The following SLC39A9 variants were observed in gnomAD, a reference collection of about 807,000 sequenced individuals.
SLC39A9 encodes solute carrier family 39 member 9.
In SLC39A9, 14 loss-of-function variants were observed where a neutral mutation model predicts 28.4. The ratio of observed to expected loss-of-function variants is 0.49; its 90% CI spans 0.33 to 0.77. The LOEUF is 0.77. Among genes scored for constraint, SLC39A9 ranks in the 30% least tolerant of loss-of-function variants. SLC39A9 has a pLI of 0.02. For missense variants in SLC39A9, 283 were observed against 381.1 expected (o/e 0.74, Z 2.14); for synonymous variants, 119 against 149.6 (o/e 0.80, Z 1.49).
intron 2 of SLC39A9, among the ~76,000 whole-genome samples, chr14:69,434,549 G>A (rs970473167): frequency 6.6e-6 from 1 of 151,912 alleles, no homozygotes; most frequent in Non-Finnish European, 1.5e-5. Flanking sequence ...TTAGGTGGGC[G>A]CAGTGACTAC....
intron 1 of SLC39A9, among the ~76,000 whole-genome samples, chr14:69,411,843 C>T (rs955304408): frequency 2.7e-5 from 4 of 147,436 alleles, no homozygotes; most frequent in East Asian, 2.0e-4. Flanking sequence ...AGTGCAGTGG[C>T]GGGATCTCGG....
At chr14:69,419,587 T>C (rs1384126660) in intron 1 of SLC39A9, among the ~76,000 whole-genome samples, 1 of 152,184 alleles carries the variant, frequency 6.6e-6, no homozygotes, top group East Asian at 1.9e-4. Context: ...ATCTGTCTAA[T>C]ATTGACAGTG....
intron 1 of SLC39A9, among the ~76,000 whole-genome samples, chr14:69,421,684 G>A (rs2140271492): frequency 6.6e-6 from 1 of 152,308 alleles, no homozygotes; most frequent in South Asian, 2.1e-4. Context: ...CGGCCATTTT[G>A]TTTACCTACT....
intron 2 of SLC39A9, among the ~76,000 whole-genome samples, chr14:69,437,597 T>TG (rs1412310829): frequency 1.3e-5 from 2 of 151,758 alleles, no homozygotes; most frequent in Admixed American, 6.6e-5. Flanking sequence ...TTTGTTTGTT[T>TG]TTTTTTTTTT....
intron 2 of SLC39A9, among the ~76,000 whole-genome samples, chr14:69,424,999 T>C (rs963766453): frequency 1.4e-4 from 21 of 152,208 alleles, no homozygotes; most frequent in African/African-American, 5.1e-4. Context: ...GTGTCCTTTA[T>C]CCAGAATGGT....
intron 2 of SLC39A9, chr14:69,441,736 T>G: frequency 1.0e-6 from 1 of 955,440 alleles, no homozygotes. Flanking sequence ...TCTGGTGAGA[T>G]TGGCATGAAT....
chr14:69,406,849 T>G (rs1488188255), intron 1 of SLC39A9, among the ~76,000 whole-genome samples: 1 of 32,854 alleles, frequency 3.0e-5, no homozygotes, highest in Non-Finnish European at 5.6e-5. Context: ...AAATTCTTTG[T>G]TTTTTTTTTT....
At chr14:69,418,446 C>A (rs747557962) in intron 1 of SLC39A9, among the ~76,000 whole-genome samples, 7 of 151,654 alleles carry the variant, frequency 4.6e-5, no homozygotes, top group South Asian at 2.1e-4. Context: ...TTGTTGTTGT[C>A]GTGTCTCTGC....
At chr14:69,418,498 T>C (rs1479784099) in intron 1 of SLC39A9, among the ~76,000 whole-genome samples, 1 of 152,146 alleles carries the variant, frequency 6.6e-6, no homozygotes, top group Non-Finnish European at 1.5e-5. Flanking sequence ...ATAAAATGAA[T>C]TAGAGAGAAT....
chr14:69,453,233 C>T lies in SLC39A9; in HGVS notation c.404-8C>T, dbSNP rs1056479167. The T allele has an allele frequency of 1.9e-6, 3 of 1,612,486 alleles. No homozygotes were observed. The African/African-American group carries it at 4.0e-5, about 22-fold the overall frequency. On this transcript the variant is annotated splice_region_variant and splice_polypyrimidine_tract_variant and intron_variant, in intron 3 of 6. Transcript: ENST00000336643. Reference sequence around the variant, plus strand: ...AGCTTAACGCTGTCTTTCTCATTTTCACTTTAGATCCAGAAGCAGCAAGGT... The same window carrying T: ...AGCTTAACGCTGTCTTTCTCATTTTTACTTTAGATCCAGAAGCAGCAAGGT...
At chr14:69,439,143 G>T (rs1269366204) in intron 2 of SLC39A9, among the ~76,000 whole-genome samples, 1 of 152,044 alleles carries the variant, frequency 6.6e-6, no homozygotes, top group Non-Finnish European at 1.5e-5. Context: ...CACTAACAAT[G>T]AACTATTTGA....
Position 69,461,558 on chromosome 14 carries a change from T to A in SLC39A9, c.*2965T>A. On this transcript the variant is annotated 3_prime_UTR_variant, in exon 7 of 7. Transcript: ENST00000336643. The stretch of plus-strand genomic sequence containing the variant: ...AACAGCCAAGTGAGCCCTGTTCTGG[T>A]ATTTTGAATCATTAGAGAAAAGAAA... 2 of 1,484,870 alleles carry A rather than the reference T, an allele frequency of 1.3e-6. No individual in the cohort carries two copies. The highest frequency in any genetic ancestry group is 8.9e-7 in the Non-Finnish European group (1 of 1,122,642). The allele number at this position is 1,484,870 out of a possible 1,614,324, so 92.0% of individuals were successfully genotyped here. A position where few individuals can be genotyped will look rare whatever the true frequency, so the allele number is the denominator to read the frequency against.
chr14:69,434,588 C>T (rs1245415512), intron 2 of SLC39A9, among the ~76,000 whole-genome samples: 2 of 152,050 alleles, frequency 1.3e-5, no homozygotes, highest in Non-Finnish European at 2.9e-5. Flanking sequence ...CAGTGACACA[C>T]ACACCAGGAG....
At chr14:69,446,421 T>A (rs1166464526) in intron 3 of SLC39A9, among the ~76,000 whole-genome samples, 1 of 151,358 alleles carries the variant, frequency 6.6e-6, no homozygotes, top group East Asian at 1.9e-4. Context: ...ACAAGTGAGC[T>A]TGGAACATCT....
chr14:69,412,185 C>T (rs1440317862), intron 1 of SLC39A9, among the ~76,000 whole-genome samples: 5 of 151,414 alleles, frequency 3.3e-5, no homozygotes, highest in African/African-American at 9.7e-5. Context: ...GTCAGGAGAT[C>T]GAGACCATCC....
intron 1 of SLC39A9, among the ~76,000 whole-genome samples, chr14:69,412,205 C>G (rs1011965396): frequency 7.9e-5 from 12 of 151,354 alleles, no homozygotes; most frequent in African/African-American, 2.4e-4. Flanking sequence ...CTGGCTAACA[C>G]GGTGAAATCC....
intron 1 of SLC39A9, among the ~76,000 whole-genome samples, chr14:69,422,278 G>T (rs1475873875): frequency 6.6e-5 from 10 of 151,918 alleles, no homozygotes; most frequent in Non-Finnish European, 1.5e-4. Context: ...TCAAAAATGG[G>T]GTCTCTTTAT....
upstream of SLC39A9, chr14:69,398,480 A>G: frequency 3.4e-6 from 2 of 595,182 alleles, no homozygotes; most frequent in Non-Finnish European, 6.0e-6. Context: ...CTTTAGGAAG[A>G]ATTATTTTTT....
chr14:69,412,585 A>G (rs372267739), intron 1 of SLC39A9, among the ~76,000 whole-genome samples: 174 of 152,246 alleles, frequency 1.1e-3, no homozygotes, highest in African/African-American at 4.1e-3. Context: ...AATTGTTTGT[A>G]TCAGAGCCCA....
Sources: gnomAD v4.1 joint callset for allele counts (sites outside exome capture counted in the v4.1 genomes callset) on GRCh38, gnomAD v4.1.1 for gene constraint, MANE v1.5 for transcripts, NCBI Gene and HGNC (gene_info 2026-07-23, HGNC 2026-07-21) for gene names.